Variants in ITPR1 observed in about 807,000 individuals in gnomAD.
ITPR1 encodes the protein inositol 1,4,5-trisphosphate receptor type 1.
A neutral mutation model predicts 318.4 loss-of-function variants in ITPR1; 96 were observed. The observed-to-expected ratio is 0.30, with a 90% CI of 0.26 to 0.36. The LOEUF (loss-of-function observed/expected upper bound fraction) is 0.36. Ranked by LOEUF, ITPR1 falls within the 10% of genes least tolerant of loss-of-function variation. The pLI is 1.00. For missense variants in ITPR1, 2,440 were observed against 3,460.2 expected (o/e 0.71, Z 7.40); for synonymous variants, 1,312 against 1,289.9 (o/e 1.02, Z -0.37).
chr3:4,761,217 G>T (rs1279354744), intron 44 of ITPR1, among the ~76,000 whole-genome samples: 1 of 151,978 alleles, frequency 6.6e-6, no homozygotes, highest in Non-Finnish European at 1.5e-5. Context: ...AGGTTTGGGG[G>T]GGTTCACCCA....
At chr3:4,562,384 A>G (rs1352747257) in intron 4 of ITPR1, among the ~76,000 whole-genome samples, 1 of 152,220 alleles carries the variant, frequency 6.6e-6, no homozygotes, top group Non-Finnish European at 1.5e-5. Context: ...GCTTATGATA[A>G]CCATAGATTT....
chr3:4,697,350 G>GTGTT (rs2094575943), intron 34 of ITPR1, 78 bp downstream of exon 34: 2 of 1,366,064 alleles, frequency 1.5e-6, no homozygotes, highest in South Asian at 1.4e-5. Context: ...GTGTGTGTGT[G>GTGTT]TGTAGCATCT....
chr3:4,680,288 T>C lies in ITPR1; in HGVS notation c.2968-265T>C, dbSNP rs547035032. Among the ~76,000 whole-genome samples the C allele has an allele frequency of 1.4e-4, 22 of 152,278 alleles. No individual in the cohort carries two copies. The South Asian group carries it at 3.1e-3, about 22-fold the overall frequency. On this transcript the variant is annotated intron_variant, in intron 24 of 61. Coordinates refer to ENST00000649015, the MANE Select transcript of ITPR1 (RefSeq NM_001378452.1). ...CATTTATGGAGCCAGGAGTGAGTGA[T>C]TTAGTGTTCCAATTGTTAAATTAAT...
chr3:4,775,482 C>G (rs765693032), intron 47 of ITPR1, 40 bp downstream of exon 47: 2 of 1,499,370 alleles, frequency 1.3e-6, no homozygotes, highest in East Asian at 4.5e-5. Context: ...AAAAAAGTGT[C>G]CCATTTTGGA....
At chr3:4,845,248 T>C (rs2106557875) in intron 61 of ITPR1, among the ~76,000 whole-genome samples, 1 of 152,342 alleles carries the variant, frequency 6.6e-6, no homozygotes, top group African/African-American at 2.4e-5. Flanking sequence ...GACAACAATT[T>C]TCTTGAATAT....
At chr3:4,582,650 TGACTG>T (rs1043880631) in intron 4 of ITPR1, among the ~76,000 whole-genome samples, 2 of 152,232 alleles carry the variant, frequency 1.3e-5, no homozygotes, top group Non-Finnish European at 2.9e-5. Context: ...GACTAGCAAT[TGACTG>T]GACAACGTAT....
intron 61 of ITPR1, among the ~76,000 whole-genome samples, chr3:4,843,012 C>T (rs2051465908): frequency 6.6e-6 from 1 of 150,414 alleles, no homozygotes. Context: ...GAAACCTAAG[C>T]GTCCAGAATT....
chr3:4,752,037 G>A (rs2044571009), intron 44 of ITPR1, among the ~76,000 whole-genome samples: 1 of 152,070 alleles, frequency 6.6e-6, no homozygotes, highest in Non-Finnish European at 1.5e-5. Context: ...CCTATTCCTG[G>A]GTTTTAGACT....
At chr3:4,531,588 C>G (rs2083418549) in intron 4 of ITPR1, among the ~76,000 whole-genome samples, 1 of 152,190 alleles carries the variant, frequency 6.6e-6, no homozygotes, top group African/African-American at 2.4e-5. Context: ...GTCACCACTG[C>G]TTACCTCTCA....
intron 21 of ITPR1, 130 bp downstream of exon 21, chr3:4,673,517 G>C: frequency 2.1e-6 from 2 of 960,230 alleles, no homozygotes; most frequent in Non-Finnish European, 3.0e-6. Context: ...ATAAAATTAA[G>C]TGGATGGCAA....
At chr3:4,698,720 T>C (rs1393987714) in intron 34 of ITPR1, among the ~76,000 whole-genome samples, 4 of 152,264 alleles carry the variant, frequency 2.6e-5, no homozygotes, top group Admixed American at 6.5e-5. Flanking sequence ...TCTTGGAATA[T>C]GTTCTCAGAC....
rs2041296571 is a variant in ITPR1 at position 4,710,769 on chromosome 3, T to C, written c.4991+296T>C. Among the ~76,000 whole-genome samples the C allele has an allele frequency of 6.6e-6, 1 of 152,164 alleles. No homozygotes were observed. The highest frequency in any genetic ancestry group is 2.4e-5 in the African/African-American group (1 of 41,436). On this transcript the variant is annotated intron_variant, in intron 38 of 61. Transcript: ENST00000649015. The surrounding 1 kb of genome is among the most constrained non-coding windows in gnomAD (Gnocchi z 4.2). ...CCCACCGTGTGCTGTGGTACAGACATAAAAAAGCCATGATCCCTCAGCCCT... is the reference window on the plus strand; with the variant it reads ...CCCACCGTGTGCTGTGGTACAGACACAAAAAAGCCATGATCCCTCAGCCCT...
chr3:4,735,133 GC>G, intron 43 of ITPR1, 30 bp from the exon 44 acceptor site: 1 of 1,570,632 alleles, frequency 6.4e-7, no homozygotes, highest in African/African-American at 1.3e-5. Flanking sequence ...TTCTGATTGT[GC>G]TTAGTAAAAA....
At chr3:4,696,606 C>T (rs2094561605) in intron 33 of ITPR1, among the ~76,000 whole-genome samples, 1 of 149,936 alleles carries the variant, frequency 6.7e-6, no homozygotes, top group Non-Finnish European at 1.5e-5. Flanking sequence ...CACATGTTTT[C>T]ATTAACCATA....
chr3:4,835,669 G>C (rs946419084), intron 60 of ITPR1, among the ~76,000 whole-genome samples: 3 of 152,162 alleles, frequency 2.0e-5, no homozygotes, highest in Admixed American at 6.5e-5. Flanking sequence ...CAGACATGTG[G>C]AATGAGTCAG....
intron 4 of ITPR1, among the ~76,000 whole-genome samples, chr3:4,528,412 A>G (rs1357255430): frequency 6.6e-6 from 1 of 152,160 alleles, no homozygotes; most frequent in East Asian, 1.9e-4. Context: ...TTGGGTCACA[A>G]AGGTCATCTA....
At chr3:4,728,861 T>G (rs1026071074) in intron 42 of ITPR1, among the ~76,000 whole-genome samples, 2 of 152,222 alleles carry the variant, frequency 1.3e-5, no homozygotes, top group African/African-American at 4.8e-5. Flanking sequence ...CTTGCTCTGA[T>G]AGAGACATCA....
At chr3:4,740,404 T>G (rs2043614575) in intron 44 of ITPR1, among the ~76,000 whole-genome samples, 1 of 152,248 alleles carries the variant, frequency 6.6e-6, no homozygotes, top group Non-Finnish European at 1.5e-5. Flanking sequence ...ATAAGCTCAC[T>G]GGGAATCACA....
intron 34 of ITPR1, among the ~76,000 whole-genome samples, chr3:4,699,186 T>A (rs1402707763): frequency 1.4e-5 from 2 of 146,118 alleles, no homozygotes; most frequent in African/African-American, 5.1e-5. Flanking sequence ...CCATCTCTAC[T>A]AAAAAAAAAA....
Sources: gnomAD v4.1 joint callset for allele counts (sites outside exome capture counted in the v4.1 genomes callset) on GRCh38, gnomAD v4.1.1 for gene constraint, Gnocchi (gnomAD v3.1) non-coding constraint, MANE v1.5 for transcripts, NCBI Gene and HGNC (gene_info 2026-07-23, HGNC 2026-07-21) for gene names.